The following TRAK1 variants were observed in gnomAD, a reference collection of about 807,000 sequenced individuals.
TRAK1 encodes trafficking kinesin-binding protein 1.
Under a neutral mutation model 92.1 loss-of-function variants are expected in TRAK1, and 33 were observed. The observed-to-expected ratio is 0.36, with a 90% CI of 0.27 to 0.48. The LOEUF (loss-of-function observed/expected upper bound fraction) is 0.48. Among genes scored for constraint, TRAK1 ranks in the 20% least tolerant of loss-of-function variants. TRAK1 has a pLI of 0.99. For missense variants in TRAK1, 1,123 were observed against 1,257.9 expected, an observed-to-expected ratio of 0.89 and a Z score of 1.62; for synonymous variants, 521 against 517.3, an observed-to-expected ratio of 1.01 and a Z score of -0.10.
At chr3:42,023,898 G>A (rs911486896) in intron 1 of TRAK1, among the ~76,000 whole-genome samples, 3 of 151,818 alleles carry the variant, frequency 2.0e-5, no homozygotes, top group Admixed American at 1.3e-4. Context: ...GGGATTACAG[G>A]CGCCTGCCAC....
At chr3:42,208,044 G>A (rs1384671933) in intron 13 of TRAK1, among the ~76,000 whole-genome samples, 1 of 152,174 alleles carries the variant, frequency 6.6e-6, no homozygotes, top group African/African-American at 2.4e-5. Flanking sequence ...ATGTCCCTGG[G>A]GGAGTGGGGT....
At chr3:42,107,080 G>A (rs1280354449) in intron 1 of TRAK1, among the ~76,000 whole-genome samples, 1 of 152,166 alleles carries the variant, frequency 6.6e-6, no homozygotes, top group East Asian at 1.9e-4. Flanking sequence ...CCTTTGAAGG[G>A]GAAGACAGGA....
intron 2 of TRAK1, chr3:42,146,020 TA>T: frequency 2.5e-6 from 1 of 397,502 alleles, no homozygotes; most frequent in Non-Finnish European, 4.9e-6. Context: ...GAAGAACTCT[TA>T]AATACTTTGG....
intron 2 of TRAK1, among the ~76,000 whole-genome samples, chr3:42,134,565 C>A (rs1362709648): frequency 2.8e-5 from 4 of 143,916 alleles, no homozygotes; most frequent in South Asian, 4.4e-4. Context: ...GTGTTAGCCA[C>A]CATGCCTGGT....
intron 1 of TRAK1, among the ~76,000 whole-genome samples, chr3:42,075,340 CAAAAAAAAAA>C (rs60881113): frequency 2.8e-5 from 2 of 71,104 alleles, no homozygotes; most frequent in African/African-American, 1.2e-4. Context: ...GACTCAGTCT[CAAAAAAAAAA>C]AAAAAAAAAA....
At chr3:42,093,238 T>C (rs577858106) in intron 1 of TRAK1, among the ~76,000 whole-genome samples, 140 of 152,136 alleles carry the variant, frequency 9.2e-4, no homozygotes, top group African/African-American at 3.1e-3. Flanking sequence ...TAGTGGAATC[T>C]CCTTTATTTC....
chr3:42,176,814 T>C lies in TRAK1; in HGVS notation c.287T>C (p.Leu96Pro). ...EQIEETLKYF[L>P]LCAERVGQMT... ...TCATTGTCATTTTTATTTCTTACAG[T>C]TTTATGTGCTGAAAGAGTTGGCCAG... Residue 96 changes from leucine to proline, a missense_variant and splice_region_variant, in exon 3 of 16, where the codon CTT (leucine) becomes CCT (proline). Around this residue, in one of 3 missense-constraint regions of TRAK1, gnomAD observed 686 missense variants for 747.6 expected, o/e 0.92. Coordinates refer to ENST00000327628, the MANE Select transcript of TRAK1 (RefSeq NM_001042646.3). 3.1e-6 allele frequency: 5 copies of C among 1,613,550 alleles called. No homozygotes were observed. Among genetic ancestry groups the C allele is most frequent in the Non-Finnish European group, 2.5e-6 (3 of 1,179,534 alleles).
In TRAK1 at chr3:42,223,960, C is replaced by G. The variant is rs774773952; in HGVS notation, c.*223C>G. ...CTTGTGTCCGCCCTGCTCTTTCTTC[C>G]GATCCCACAGGAAGTGCCCCTGCAC... On this transcript the variant is annotated 3_prime_UTR_variant, in exon 16 of 16. Transcript: ENST00000327628. This position sits in a 1 kb window ranked among gnomAD's most constrained non-coding sequence, Gnocchi z 6.1. 4 of 645,852 alleles carry G rather than the reference C, an allele frequency of 6.2e-6. No individual in the cohort carries two copies. Among genetic ancestry groups the G allele is most frequent in the Non-Finnish European group, 1.1e-5 (4 of 361,442 alleles). 40.0% of individuals were successfully genotyped at this position (645,852 alleles called of 1,614,324 possible). A position where few individuals can be genotyped will look rare whatever the true frequency, so the allele number is the denominator to read the frequency against.
At chr3:42,181,807 T>C (rs144206520) in intron 3 of TRAK1, among the ~76,000 whole-genome samples, 1 of 152,196 alleles carries the variant, frequency 6.6e-6, no homozygotes, top group Non-Finnish European at 1.5e-5. Context: ...CTGAAACCAC[T>C]TGGACTAGGT....
At chr3:42,137,868 C>G (rs1408652693) in intron 2 of TRAK1, among the ~76,000 whole-genome samples, 1 of 152,212 alleles carries the variant, frequency 6.6e-6, no homozygotes, top group Admixed American at 6.5e-5. Context: ...AATCACTTAT[C>G]ACTGCATTGG....
chr3:42,090,368 G>A (rs1433343229), upstream of TRAK1, among the ~76,000 whole-genome samples: 1 of 152,216 alleles, frequency 6.6e-6, no homozygotes, highest in Non-Finnish European at 1.5e-5. Context: ...ACAGTGGAGG[G>A]TAAAGAAATG....
At chr3:42,191,853 G>A (rs1705788189) in intron 7 of TRAK1, among the ~76,000 whole-genome samples, 1 of 142,664 alleles carries the variant, frequency 7.0e-6, no homozygotes, top group African/African-American at 2.6e-5. Context: ...TCACTGAGGT[G>A]GATATTTAAA....
chr3:42,029,414 G>GTT (rs140240839), intron 1 of TRAK1, among the ~76,000 whole-genome samples: 2 of 143,310 alleles, frequency 1.4e-5, no homozygotes, highest in Non-Finnish European at 1.5e-5. Flanking sequence ...AATTTTGCTT[G>GTT]TTTTTTTGGT....
At chr3:42,149,259 C>G in intron 2 of TRAK1, 3 of 1,333,144 alleles carry the variant, frequency 2.3e-6, no homozygotes, top group Non-Finnish European at 1.9e-6. Flanking sequence ...TCCAGTGCTG[C>G]TTTATTGGCA....
chr3:42,066,251 C>T lies in TRAK1; in HGVS notation c.-518-20853C>T, dbSNP rs186648421. ...TGAGGCACGAGAATCTCTTGATTCT[C>T]GGAGGCAAAGGTTACAGTGAGCTGA... On this transcript the variant is annotated intron_variant, in intron 1 of 16. Coordinates refer to the TRAK1 transcript ENST00000487159. Among the ~76,000 whole-genome samples, 219 of 152,226 alleles carry T rather than the reference C, an allele frequency of 1.4e-3. No individual in the cohort carries two copies. The Middle Eastern group carries it at 0.017, about 12-fold the overall frequency.
At chr3:42,099,675 A>C (rs1052414841) in intron 1 of TRAK1, among the ~76,000 whole-genome samples, 2 of 152,192 alleles carry the variant, frequency 1.3e-5, no homozygotes, top group African/African-American at 4.8e-5. Flanking sequence ...TTCCCAAACC[A>C]ACATGTTCGG....
intron 1 of TRAK1, among the ~76,000 whole-genome samples, chr3:42,035,072 A>C (rs911177834): frequency 6.6e-6 from 1 of 152,142 alleles, no homozygotes; most frequent in African/African-American, 2.4e-5. Context: ...GCCATCAGAC[A>C]TCTGAGCCTG....
intron 2 of TRAK1, among the ~76,000 whole-genome samples, chr3:42,175,968 A>G (rs1285676432): frequency 6.6e-6 from 1 of 152,206 alleles, no homozygotes; most frequent in African/African-American, 2.4e-5. Context: ...ATAGAATAAA[A>G]CTTACGCTAC....
intron 1 of TRAK1, among the ~76,000 whole-genome samples, chr3:42,059,280 G>C (rs1703330263): frequency 6.6e-6 from 1 of 151,994 alleles, no homozygotes; most frequent in South Asian, 2.1e-4. Context: ...ATTTTTATTA[G>C]AGACGAGGCC....
Sources: gnomAD v4.1 joint callset for allele counts (sites outside exome capture counted in the v4.1 genomes callset) on GRCh38, gnomAD v4.1.1 for gene constraint, gnomAD v4.1.1 regional missense constraint, Gnocchi (gnomAD v3.1) non-coding constraint, MANE v1.5 for transcripts, NCBI Gene and HGNC (gene_info 2026-07-23, HGNC 2026-07-21) for gene names.